Variants in PTPRD observed in about 807,000 individuals in gnomAD.
PTPRD encodes the protein receptor-type tyrosine-protein phosphatase delta.
In PTPRD, 34 loss-of-function variants were observed where a neutral mutation model predicts 214.5. The ratio of observed to expected loss-of-function variants is 0.16; its 90% CI spans 0.12 to 0.21. The LOEUF is 0.21. Among genes scored for constraint, PTPRD ranks in the 10% least tolerant of loss-of-function variants. The pLI is 1.00. For missense variants in PTPRD, 2,545 were observed against 2,398.7 expected, an observed-to-expected ratio of 1.06 and a Z score of -1.27; for synonymous variants, 1,128 against 845.7, an observed-to-expected ratio of 1.33 and a Z score of -5.79.
intron 2 of PTPRD, among the ~76,000 whole-genome samples, chr9:10,424,520 A>G (rs945799250): frequency 3.9e-5 from 6 of 151,958 alleles, no homozygotes; most frequent in Non-Finnish European, 7.4e-5. Flanking sequence ...ACACATCAGC[A>G]GTCAGACAGG....
At chr9:9,357,545 C>G (rs2054274055) in intron 9 of PTPRD, among the ~76,000 whole-genome samples, 2 of 150,892 alleles carry the variant, frequency 1.3e-5, no homozygotes, top group Admixed American at 6.6e-5. Context: ...TTCAGAAGAC[C>G]TGAAATGTGG....
chr9:8,569,486 A>C (rs1335645023), intron 14 of PTPRD, among the ~76,000 whole-genome samples: 1 of 152,150 alleles, frequency 6.6e-6, no homozygotes, highest in Non-Finnish European at 1.5e-5. Flanking sequence ...AACATCTTCC[A>C]TAAAAACTGG....
intron 9 of PTPRD, among the ~76,000 whole-genome samples, chr9:9,315,017 T>C (rs906894825): frequency 2.0e-5 from 3 of 152,026 alleles, no homozygotes; most frequent in Admixed American, 6.6e-5. Context: ...ATATTTATAA[T>C]ACAACTCACC....
At chr9:9,624,017 A>C (rs1264328028) in intron 7 of PTPRD, among the ~76,000 whole-genome samples, 1 of 152,178 alleles carries the variant, frequency 6.6e-6, no homozygotes, top group Non-Finnish European at 1.5e-5. Flanking sequence ...TGGGAATATG[A>C]GCTCATAAAA....
intron 3 of PTPRD, among the ~76,000 whole-genome samples, chr9:10,191,836 C>A (rs1361426587): frequency 2.0e-5 from 3 of 152,102 alleles, no homozygotes; most frequent in African/African-American, 7.2e-5. Context: ...GCTTATTTTT[C>A]TTTTCTTCTC....
chr9:10,586,175 C>T (rs1054586616), intron 2 of PTPRD, among the ~76,000 whole-genome samples: 7 of 151,676 alleles, frequency 4.6e-5, no homozygotes, highest in Non-Finnish European at 7.4e-5. Flanking sequence ...ATTAGACAAA[C>T]GTCTCTCCAC....
intron 3 of PTPRD, among the ~76,000 whole-genome samples, chr9:10,269,799 A>C (rs2094315770): frequency 6.6e-6 from 1 of 152,196 alleles, no homozygotes; most frequent in Non-Finnish European, 1.5e-5. Context: ...TCTTCTGAAA[A>C]AAGAAAAATT....
chr9:9,712,547 G>C (rs2097756584), intron 7 of PTPRD, among the ~76,000 whole-genome samples: 1 of 152,126 alleles, frequency 6.6e-6, no homozygotes. Context: ...TCCTCAGCTT[G>C]TCAAGAAAGT....
intron 8 of PTPRD, among the ~76,000 whole-genome samples, chr9:9,566,699 T>A (rs2084652471): frequency 6.6e-6 from 1 of 152,024 alleles, no homozygotes; most frequent in Admixed American, 6.6e-5. Context: ...ACACTCGTAG[T>A]GGGGTCATAA....
chr9:8,375,295 CTGT>C (rs1194147360), intron 39 of PTPRD, among the ~76,000 whole-genome samples: 1 of 151,858 alleles, frequency 6.6e-6, no homozygotes, highest in Non-Finnish European at 1.5e-5. Context: ...GGTGATGTAG[CTGT>C]TAGAGTTAAG....
intron 7 of PTPRD, among the ~76,000 whole-genome samples, chr9:9,702,797 G>A (rs954582132): frequency 6.6e-6 from 1 of 152,088 alleles, no homozygotes; most frequent in African/African-American, 2.4e-5. Flanking sequence ...ACACTTAATG[G>A]CTAGCTTATG....
chr9:8,835,051 C>A lies in PTPRD; in HGVS notation c.-103-101105G>T, dbSNP rs1312234948. On this transcript the variant is annotated intron_variant, in intron 11 of 45. Transcript: ENST00000381196. Reference sequence around the variant, plus strand: ...CCACCATCTGGGTCAGGCAAGGACCCCAGGTTAAAGTCAGTAATCAGTAAA... The same window carrying A: ...CCACCATCTGGGTCAGGCAAGGACCACAGGTTAAAGTCAGTAATCAGTAAA... Among the ~76,000 whole-genome samples the A allele has an allele frequency of 2.0e-5, 3 of 152,126 alleles. No homozygotes were observed. In the East Asian group the frequency reaches 5.8e-4, roughly 29 times the overall value.
chr9:9,837,587 G>GTA (rs1242674350), intron 5 of PTPRD, among the ~76,000 whole-genome samples: 3 of 152,012 alleles, frequency 2.0e-5, no homozygotes, highest in African/African-American at 7.2e-5. Flanking sequence ...TTTTGATGGG[G>GTA]TAAAGCAAAG....
intron 2 of PTPRD, among the ~76,000 whole-genome samples, chr9:10,482,135 G>A (rs1035931072): frequency 6.6e-6 from 1 of 152,132 alleles, no homozygotes; most frequent in African/African-American, 2.4e-5. Context: ...ATTTTGGGAG[G>A]CCCAGGCGGG....
chr9:9,575,990 A>G (rs970547394), intron 7 of PTPRD, among the ~76,000 whole-genome samples: 1 of 152,082 alleles, frequency 6.6e-6, no homozygotes, highest in African/African-American at 2.4e-5. Flanking sequence ...TAGAAAATTC[A>G]TAAATGACTG....
chr9:8,353,862 A>ATGTG (rs1329657121), intron 39 of PTPRD, among the ~76,000 whole-genome samples: 2,934 of 141,444 alleles, frequency 0.021, 416 homozygotes, highest in African/African-American at 0.072. Context: ...ATATGTGTAT[A>ATGTG]TATGTATATA....
Position 9,879,845 on chromosome 9 carries a change from C to T in PTPRD, c.-368+58662G>A, listed in dbSNP as rs1323929229. 2.0e-5 allele frequency among the ~76,000 whole-genome samples: 3 copies of T among 152,246 alleles called. No homozygotes were observed. The East Asian group carries it at 5.8e-4, about 29-fold the overall frequency. ...CAGCTTGAATTTCCAGTTCGTCTTG[C>T]TTCAGAGAGCCTGGAGATAAGAATA... On this transcript the variant is annotated intron_variant, in intron 5 of 45. Coordinates refer to ENST00000381196, the MANE Select transcript of PTPRD (RefSeq NM_002839.4).
intron 12 of PTPRD, among the ~76,000 whole-genome samples, chr9:8,720,731 G>C (rs1187576233): frequency 1.3e-5 from 2 of 152,024 alleles, no homozygotes; most frequent in Non-Finnish European, 2.9e-5. Context: ...AAGCCACTCA[G>C]TGCTTCTCAA....
chr9:10,256,089 C>G (rs911866099), intron 3 of PTPRD, among the ~76,000 whole-genome samples: 2 of 152,282 alleles, frequency 1.3e-5, no homozygotes, highest in African/African-American at 2.4e-5. Context: ...GGTGTGTGCT[C>G]TTTATAAGAA....
Sources: gnomAD v4.1 joint callset for allele counts (sites outside exome capture counted in the v4.1 genomes callset) on GRCh38, gnomAD v4.1.1 for gene constraint, MANE v1.5 for transcripts, NCBI Gene and HGNC (gene_info 2026-07-23, HGNC 2026-07-21) for gene names.